ABHD2: variants seen among roughly 807,000 people sequenced by gnomAD.
The protein encoded by ABHD2 is abhydrolase domain containing 2, acylglycerol lipase.
In ABHD2, 20 loss-of-function variants were observed where a neutral mutation model predicts 48.1. The observed-to-expected ratio is 0.42, with a 90% CI of 0.29 to 0.60. ABHD2 has a LOEUF of 0.60. Among genes scored for constraint, ABHD2 ranks in the 20% least tolerant of loss-of-function variants. The pLI, the probability that ABHD2 is intolerant of heterozygous loss-of-function variation, is 0.24. For synonymous variants in ABHD2, 209 were observed against 214.2 expected, an observed-to-expected ratio of 0.98 and a Z score of 0.21; for missense variants, 405 against 550.9, an observed-to-expected ratio of 0.74 and a Z score of 2.65.
chr15:89,076,316 C>T, the ABHD2 span, among the ~76,000 whole-genome samples: 3 of 152,204 alleles, frequency 2.0e-5, no homozygotes, highest in Admixed American at 6.5e-5. Context: ...TCTCAACACT[C>T]GTATCCTCAT....
rs2049692065 is a variant in ABHD2 at position 89,100,940 on chromosome 15, A to G, written c.-107+12377A>G. Among the ~76,000 whole-genome samples, 1 of 152,322 alleles carries G rather than the reference A, an allele frequency of 6.6e-6. No homozygotes were observed. The highest frequency in any genetic ancestry group is 1.9e-4 in the East Asian group (1 of 5,184). On this transcript the variant is annotated intron_variant, in intron 1 of 10. Coordinates refer to ENST00000352732, the MANE Select transcript of ABHD2 (RefSeq NM_152924.5). This position sits in a 1 kb window ranked among gnomAD's most constrained non-coding sequence, Gnocchi z 4.4. ...GGTTAAACTACAGTTAATGGTATTGAGTTTTATATTTTCTGGACCAAATAA... is the reference window on the plus strand; with the variant it reads ...GGTTAAACTACAGTTAATGGTATTGGGTTTTATATTTTCTGGACCAAATAA...
intron 3 of ABHD2, among the ~76,000 whole-genome samples, chr15:89,125,879 A>G (rs2050123040): frequency 6.6e-6 from 1 of 152,180 alleles, no homozygotes; most frequent in Non-Finnish European, 1.5e-5. Context: ...CTAGATACAG[A>G]TTGTAGCTTC....
the ABHD2 span, among the ~76,000 whole-genome samples, chr15:89,073,412 C>T: frequency 1.3e-5 from 2 of 152,156 alleles, no homozygotes; most frequent in Admixed American, 1.3e-4. Context: ...TCTCCTGCCT[C>T]AGCCTCCCAA....
intron 3 of ABHD2, chr15:89,135,406 C>CA (rs146662363): frequency 0.099 from 41,669 of 420,678 alleles, 180 homozygotes; most frequent in Middle Eastern, 0.12. Context: ...GTTAACTATA[C>CA]AAAAAAAAAA....
rs1278766614 is a variant in ABHD2, at chr15:89,151,345, G to C, written c.195-332G>C. Reference sequence around the variant, plus strand: ...AATAATGAGCTAACCTGTCAAGTTAGAATGTGTTCAAAATATATCACTTGC... The same window carrying C: ...AATAATGAGCTAACCTGTCAAGTTACAATGTGTTCAAAATATATCACTTGC... On this transcript the variant is annotated intron_variant, in intron 3 of 10. Coordinates refer to ENST00000352732, the MANE Select transcript of ABHD2 (RefSeq NM_152924.5). This position sits in a 1 kb window ranked among gnomAD's most constrained non-coding sequence, Gnocchi z 4.7. 6.6e-6 allele frequency among the ~76,000 whole-genome samples: 1 copy of C among 152,192 alleles called. No individual in the cohort carries two copies. Among genetic ancestry groups the C allele is most frequent in the East Asian group, 1.9e-4 (1 of 5,206 alleles).
chr15:89,041,252 T>C, the ABHD2 span: 1 of 152,280 alleles, frequency 6.6e-6, no homozygotes, highest in East Asian at 1.9e-4. Flanking sequence ...GGAACAGAGA[T>C]GAACTGCCGC....
At position 89,183,384 on chromosome 15, in the gene ABHD2, A is replaced by AAAAAAAT. The variant is rs61602174; in HGVS notation, c.723-2039_723-2038insAAAAATA. The AAAAAAAT allele has an allele frequency of 5.3e-3, 243 of 46,248 alleles. 7 individuals carry two copies. The highest frequency in any genetic ancestry group is 7.6e-3 in the Admixed American group (23 of 3,030). 2.9% of individuals were successfully genotyped at this position (46,248 alleles called of 1,614,324 possible). A position where few individuals can be genotyped will look rare whatever the true frequency, so the allele number is the denominator to read the frequency against. ...AGTCCTTTTCAAAAAAAAAAAAAAA[A>AAAAAAAT]ATATATATATATATATATATATATA... On this transcript the variant is annotated intron_variant, in intron 6 of 10. Transcript: ENST00000352732.
chr15:89,064,041 A>G, the ABHD2 span, among the ~76,000 whole-genome samples: 1 of 151,200 alleles, frequency 6.6e-6, no homozygotes, highest in African/African-American at 2.4e-5. Context: ...GACAACCACC[A>G]TTCTGCTTTT....
At chr15:89,081,032 C>T in the ABHD2 span, among the ~76,000 whole-genome samples, 8 of 149,718 alleles carry the variant, frequency 5.3e-5, no homozygotes, top group Non-Finnish European at 1.0e-4. Flanking sequence ...CAGGGTCTCA[C>T]TCTGTCTCCC....
the ABHD2 span, among the ~76,000 whole-genome samples, chr15:89,082,001 T>C: frequency 6.6e-6 from 1 of 152,092 alleles, no homozygotes; most frequent in African/African-American, 2.4e-5. The surrounding 1 kb of genome is among the most constrained non-coding windows in gnomAD (Gnocchi z 4.4). Context: ...CTATTGACAT[T>C]TGGGATAATT....
At chr15:89,126,118 A>G (rs1197509668) in intron 3 of ABHD2, among the ~76,000 whole-genome samples, 3 of 152,096 alleles carry the variant, frequency 2.0e-5, no homozygotes, top group African/African-American at 4.8e-5. Context: ...GGGCCCTACT[A>G]TGTCTCCAAA....
chr15:89,176,936 C>CT lies in ABHD2; in HGVS notation c.722+943dup, dbSNP rs2051024064. On this transcript the variant is annotated intron_variant, in intron 6 of 10. Transcript: ENST00000352732. The surrounding 1 kb of genome is among the most constrained non-coding windows in gnomAD (Gnocchi z 4.5). ...ATCTCATGCTGCAGTTTAAACATAC[C>CT]TTGTTACTTTCTGATGGATAGAGGC... 6.6e-6 allele frequency among the ~76,000 whole-genome samples: 1 copy of CT among 152,076 alleles called. No individual in the cohort carries two copies. The highest frequency in any genetic ancestry group is 2.4e-5 in the African/African-American group (1 of 41,388).
chr15:89,056,264 C>A, the ABHD2 span, among the ~76,000 whole-genome samples: 33 of 152,128 alleles, frequency 2.2e-4, no homozygotes, highest in Non-Finnish European at 4.4e-4. Flanking sequence ...AAAAAACTCA[C>A]AAAACTGTTA....
Position 89,116,256 on chromosome 15 carries a change from T to C in ABHD2, c.-6-66T>C. On this transcript the variant is annotated intron_variant, in intron 2 of 10. Transcript: ENST00000352732. This position sits in a 1 kb window ranked among gnomAD's most constrained non-coding sequence, Gnocchi z 4.6. Reference sequence around the variant, plus strand: ...TATCTCTTAGCCCACCATGCGTCTGTAGGGTGGTGGGCACCACCCGTCCTC... The same window carrying C: ...TATCTCTTAGCCCACCATGCGTCTGCAGGGTGGTGGGCACCACCCGTCCTC... The C allele has an allele frequency of 1.4e-6, 2 of 1,422,100 alleles. No homozygotes were observed. Among genetic ancestry groups the C allele is most frequent in the Non-Finnish European group, 1.9e-6 (2 of 1,031,572 alleles). 88.1% of individuals were successfully genotyped at this position (1,422,100 alleles called of 1,614,324 possible). A position where few individuals can be genotyped will look rare whatever the true frequency, so the allele number is the denominator to read the frequency against.
chr15:89,183,897 C>T (rs1378765864), intron 6 of ABHD2, among the ~76,000 whole-genome samples: 1 of 152,096 alleles, frequency 6.6e-6, no homozygotes, highest in Non-Finnish European at 1.5e-5. Flanking sequence ...GATCCAAAGT[C>T]AGAGGAGAGG....
intron 5 of ABHD2, among the ~76,000 whole-genome samples, chr15:89,170,228 T>G (rs2050903227): frequency 6.6e-6 from 1 of 151,186 alleles, no homozygotes; most frequent in South Asian, 2.1e-4. Flanking sequence ...CCCAAGTAGC[T>G]GGGACTACAG....
rs893797643 is a variant in ABHD2, at chr15:89,177,898, T to G, written c.722+1903T>G. On this transcript the variant is annotated intron_variant, in intron 6 of 10. Coordinates refer to ENST00000352732, the MANE Select transcript of ABHD2 (RefSeq NM_152924.5). This position sits in a 1 kb window ranked among gnomAD's most constrained non-coding sequence, Gnocchi z 5.6. ...CACAAAATCTTAACACGACAATCCC[T>G]TCATCTCATTTTGCTGCAGTAGCGC... is the stretch of plus-strand genomic sequence containing the variant. 5.9e-5 allele frequency among the ~76,000 whole-genome samples: 9 copies of G among 152,156 alleles called. No individual in the cohort carries two copies. The highest frequency in any genetic ancestry group is 8.8e-5 in the Non-Finnish European group (6 of 68,016).
At chr15:89,043,296 C>T in the ABHD2 span, among the ~76,000 whole-genome samples, 1 of 152,156 alleles carries the variant, frequency 6.6e-6, no homozygotes, top group East Asian at 1.9e-4. Flanking sequence ...CATGGTGGCT[C>T]ATGCCTGTAG....
chr15:89,192,377 C>G (rs1056586492), intron 9 of ABHD2, among the ~76,000 whole-genome samples: 4 of 152,204 alleles, frequency 2.6e-5, no homozygotes, highest in African/African-American at 9.6e-5. Flanking sequence ...CCTATCAGTA[C>G]CATCTCCACT....
Sources: allele counts gnomAD v4.1 joint callset (sites outside exome capture counted in the v4.1 genomes callset), GRCh38; gene constraint gnomAD v4.1.1; non-coding constraint Gnocchi (gnomAD v3.1); transcripts MANE v1.5; gene names NCBI Gene and HGNC (gene_info 2026-07-23, HGNC 2026-07-21).